The following INPP5A variants were observed in gnomAD, a reference collection of about 807,000 sequenced individuals.
INPP5A encodes 43 kDa inositol polyphosphate 5-phophatase.
A neutral mutation model predicts 65.2 loss-of-function variants in INPP5A; 14 were observed. That is an observed-to-expected ratio of 0.21 (90% CI 0.14 to 0.34). The LOEUF is 0.34. Ranked by LOEUF, INPP5A falls within the 10% of genes least tolerant of loss-of-function variation. The probability of loss-of-function intolerance (pLI) is 1.00; values close to 1 mark genes in which losing one functional copy is unlikely to be tolerated. For missense variants in INPP5A, 431 were observed against 545.6 expected (o/e 0.79, Z 2.09); for synonymous variants, 207 against 208.3 (o/e 0.99, Z 0.05).
rs902082724 is a variant in INPP5A, at chr10:132,663,147, C to T, written c.306+12642C>T. 6.6e-6 allele frequency among the ~76,000 whole-genome samples: 1 copy of T among 152,218 alleles called. No homozygotes were observed. Among genetic ancestry groups the T allele is most frequent in the Non-Finnish European group, 1.5e-5 (1 of 68,042 alleles). ...CTCGGCACGCCGCAGGACATAACGGCAGAGTGTGAGTAATTTTCCATTTTA... is the reference window on the plus strand; with the variant it reads ...CTCGGCACGCCGCAGGACATAACGGTAGAGTGTGAGTAATTTTCCATTTTA... On this transcript the variant is annotated intron_variant, in intron 4 of 15. Coordinates refer to ENST00000368594, the MANE Select transcript of INPP5A (RefSeq NM_005539.5). This position sits in a 1 kb window ranked among gnomAD's most constrained non-coding sequence, Gnocchi z 4.5.
intron 8 of INPP5A, 56 bp downstream of exon 8, chr10:132,710,512 C>CAGGTGTGAGTGGAGAGGT: frequency 6.4e-7 from 1 of 1,571,968 alleles, no homozygotes; most frequent in Admixed American, 1.8e-5. Flanking sequence ...GCTGGGCAGG[C>CAGGTGTGAGTGGAGAGGT]AGGTGTGAGT....
At chr10:132,620,421 C>CT (rs1475998250) in intron 2 of INPP5A, among the ~76,000 whole-genome samples, 2 of 152,220 alleles carry the variant, frequency 1.3e-5, no homozygotes, top group Non-Finnish European at 1.5e-5. Flanking sequence ...GCTCCCACAT[C>CT]TGAGTGTAGG....
intron 4 of INPP5A, among the ~76,000 whole-genome samples, chr10:132,671,819 G>A (rs1481499616): frequency 6.6e-6 from 1 of 152,202 alleles, no homozygotes; most frequent in Non-Finnish European, 1.5e-5. Context: ...GAGGTTCAGG[G>A]ACCAACCAGA....
At chr10:132,667,563 C>T (rs551894906) in intron 4 of INPP5A, among the ~76,000 whole-genome samples, 120 of 152,316 alleles carry the variant, frequency 7.9e-4, no homozygotes, top group African/African-American at 2.4e-3. Flanking sequence ...CTGAAGAGGC[C>T]CAGACAGCTT....
At chr10:132,744,750 G>A (rs1284825587) in intron 9 of INPP5A, among the ~76,000 whole-genome samples, 2 of 152,214 alleles carry the variant, frequency 1.3e-5, no homozygotes, top group African/African-American at 4.8e-5. Context: ...GGCTCTCAAG[G>A]AGAGGAAGAA....
intron 9 of INPP5A, among the ~76,000 whole-genome samples, chr10:132,740,924 G>A (rs1044917032): frequency 2.0e-5 from 3 of 152,116 alleles, no homozygotes; most frequent in Non-Finnish European, 4.4e-5. Context: ...AACCCTAAGA[G>A]TTCACCTACA....
chr10:132,638,302 G>A (rs573743511), intron 2 of INPP5A, among the ~76,000 whole-genome samples: 13 of 152,310 alleles, frequency 8.5e-5, no homozygotes, highest in Non-Finnish European at 1.5e-4. Context: ...CTCGCCTTGT[G>A]TTCCAACCCA....
intron 9 of INPP5A, among the ~76,000 whole-genome samples, chr10:132,749,105 A>G (rs990838426): frequency 1.3e-5 from 2 of 152,240 alleles, no homozygotes; most frequent in African/African-American, 2.4e-5. Flanking sequence ...CCGTTGTCAC[A>G]GTCGAACAGC....
intron 8 of INPP5A, 43 bp downstream of exon 8, chr10:132,710,499 T>C (rs754244518): frequency 1.2e-5 from 19 of 1,597,028 alleles, no homozygotes; most frequent in Non-Finnish European, 1.4e-5. Flanking sequence ...GGCAAGTAGG[T>C]GTGCTGGGCA....
intron 1 of INPP5A, among the ~76,000 whole-genome samples, chr10:132,576,527 C>T (rs904173536): frequency 1.3e-5 from 2 of 152,192 alleles, no homozygotes; most frequent in African/African-American, 4.8e-5. Context: ...GTCCTCTGCT[C>T]CTGTCCCCAG....
At chr10:132,714,644 A>C (rs1320769506) in intron 8 of INPP5A, among the ~76,000 whole-genome samples, 4 of 152,158 alleles carry the variant, frequency 2.6e-5, no homozygotes, top group Non-Finnish European at 5.9e-5. Context: ...GATGCAGGCC[A>C]GGTTAAAACC....
At chr10:132,600,638 G>A (rs191724942) in intron 1 of INPP5A, among the ~76,000 whole-genome samples, 96 of 152,288 alleles carry the variant, frequency 6.3e-4, no homozygotes, top group African/African-American at 1.6e-3. Flanking sequence ...CCAATTTACC[G>A]TATTAGTTCA....
intron 2 of INPP5A, among the ~76,000 whole-genome samples, chr10:132,618,482 C>G (rs1011075817): frequency 6.6e-6 from 1 of 152,220 alleles, no homozygotes; most frequent in Non-Finnish European, 1.5e-5. Context: ...GAGGCACTCT[C>G]ATTATTGCTC....
intron 12 of INPP5A, among the ~76,000 whole-genome samples, chr10:132,771,035 G>T (rs957168664): frequency 2.2e-4 from 33 of 152,240 alleles, no homozygotes; most frequent in African/African-American, 8.0e-4. Flanking sequence ...GAAGAGGCAG[G>T]CTCGTCCGCC....
At chr10:132,607,819 T>A in intron 1 of INPP5A, 96 bp from the exon 2 acceptor site, 1 of 1,257,978 alleles carries the variant, frequency 7.9e-7, no homozygotes, top group South Asian at 1.2e-5. Context: ...GCGCCTCTGC[T>A]CCTGCCCCAC....
chr10:132,550,945 G>T lies in INPP5A; in HGVS notation c.75+12774G>T, dbSNP rs2071041303. 6.6e-6 allele frequency among the ~76,000 whole-genome samples: 1 copy of T among 152,228 alleles called. No individual in the cohort carries two copies. Among genetic ancestry groups the T allele is most frequent in the African/African-American group, 2.4e-5 (1 of 41,442 alleles). ...TCTAGGGTGGACCTGGCCATCCTTG[G>T]GTGACAGTGGGCCATGTGGTGGGGA... On this transcript the variant is annotated intron_variant, in intron 1 of 15. Coordinates refer to ENST00000368594, the MANE Select transcript of INPP5A (RefSeq NM_005539.5). This position sits in a 1 kb window ranked among gnomAD's most constrained non-coding sequence, Gnocchi z 4.2.
intron 2 of INPP5A, among the ~76,000 whole-genome samples, chr10:132,640,022 C>T (rs2072405226): frequency 6.6e-6 from 1 of 152,182 alleles, no homozygotes. Context: ...TGCTTGAAAA[C>T]CTTCCTCTGC....
rs1308521227 is a variant in INPP5A at position 132,561,330 on chromosome 10, T to C, written c.75+23159T>C. ...ATTTTTTCTTTTTAGATTTTTATAG[T>C]TTTAGCTCTTACATGTAGGTCTTTG... On this transcript the variant is annotated intron_variant, in intron 1 of 15. Transcript: ENST00000368594. 2.0e-5 allele frequency among the ~76,000 whole-genome samples: 3 copies of C among 152,142 alleles called. No individual in the cohort carries two copies. The East Asian group carries it at 5.8e-4, about 29-fold the overall frequency.
At chr10:132,732,289 C>T (rs1162782757) in intron 9 of INPP5A, among the ~76,000 whole-genome samples, 7 of 152,240 alleles carry the variant, frequency 4.6e-5, no homozygotes, top group Admixed American at 2.6e-4. Flanking sequence ...TGTCTAAGAT[C>T]CTTGCATTAG....
Sources: gnomAD v4.1 joint callset for allele counts (sites outside exome capture counted in the v4.1 genomes callset) on GRCh38, gnomAD v4.1.1 for gene constraint, Gnocchi (gnomAD v3.1) non-coding constraint, MANE v1.5 for transcripts, NCBI Gene and HGNC (gene_info 2026-07-23, HGNC 2026-07-21) for gene names.